The following PTCHD4 variants were observed in gnomAD, a reference collection of about 807,000 sequenced individuals.
The protein encoded by PTCHD4 is patched domain containing 4, also known as patched domain-containing protein 4.
In PTCHD4, 33 loss-of-function variants were observed where a neutral mutation model predicts 58.1. The ratio of observed to expected loss-of-function variants is 0.57; its 90% confidence interval spans 0.43 to 0.76. The LOEUF is 0.76. Among genes scored for constraint, PTCHD4 ranks in the 30% least tolerant of loss-of-function variants. The probability of loss-of-function intolerance (pLI) is 0.00; values close to 1 mark genes in which losing one functional copy is unlikely to be tolerated. For missense variants in PTCHD4, 1,058 were observed against 1,027.1 expected (o/e 1.03, Z -0.41); for synonymous variants, 478 against 409.6 (o/e 1.17, Z -2.02).
In PTCHD4 at chr6:47,868,656, A is replaced by G. The variant is rs535491335; in HGVS notation, c.*9647T>C. Among the ~76,000 whole-genome samples the G allele has an allele frequency of 6.6e-6, 1 of 151,942 alleles. No homozygotes were observed. The highest frequency in any genetic ancestry group is 2.1e-4 in the South Asian group (1 of 4,830). ...GAAGCACATATAAATGACAATAAAT[A>G]GTACTTTTGCAAACTTTATTTAGTA... On this transcript the variant is annotated 3_prime_UTR_variant, in exon 5 of 5. Coordinates refer to ENST00000339488, the MANE Select transcript of PTCHD4 (RefSeq NM_001384253.1).
In PTCHD4 at chr6:47,867,043, C is replaced by G. The variant is rs151333487; in HGVS notation, c.*11260G>C. ...TATATTTTACCATAGGGACATAGTA[C>G]TTGTTTACAATGTTTTCTTTCTGGG... On this transcript the variant is annotated 3_prime_UTR_variant, in exon 5 of 5. Transcript: ENST00000339488. Among the ~76,000 whole-genome samples the G allele has an allele frequency of 6.6e-6, 1 of 151,932 alleles. No individual in the cohort carries two copies. The highest frequency in any genetic ancestry group is 1.9e-4 in the East Asian group (1 of 5,140).
intron 4 of PTCHD4, among the ~76,000 whole-genome samples, chr6:47,969,563 A>G (rs536053599): frequency 6.6e-6 from 1 of 152,326 alleles, no homozygotes; most frequent in Non-Finnish European, 1.5e-5. Flanking sequence ...CTTAAATATT[A>G]AAGTGGTATA....
intron 1 of PTCHD4, among the ~76,000 whole-genome samples, chr6:48,108,974 T>C (rs971997145): frequency 6.6e-6 from 1 of 151,852 alleles, no homozygotes; most frequent in African/African-American, 2.4e-5. Context: ...AAATGAAAAA[T>C]AAGATAACAT....
rs185018194 is a variant in PTCHD4 at position 47,912,285 on chromosome 6, C to T, written c.899-32349G>A. 2.0e-3 allele frequency among the ~76,000 whole-genome samples: 299 copies of T among 152,056 alleles called. 1 individual carries two copies. The highest frequency in any genetic ancestry group is 0.01 in the Middle Eastern group (3 of 294). On this transcript the variant is annotated intron_variant, in intron 4 of 4. Coordinates refer to ENST00000339488, the MANE Select transcript of PTCHD4 (RefSeq NM_001384253.1). The stretch of plus-strand genomic sequence containing the variant: ...GAAATTCCCACCCCCATCCCATCCC[C>T]CACCAAACCCCATCCCAGTGGAGGG...
chr6:48,005,514 C>A (rs1007214642), intron 4 of PTCHD4, among the ~76,000 whole-genome samples: 1 of 152,176 alleles, frequency 6.6e-6, no homozygotes, highest in Non-Finnish European at 1.5e-5. Flanking sequence ...ATACCACCAG[C>A]AGATATATAT....
At chr6:47,906,835 A>G (rs1451296941) in intron 4 of PTCHD4, among the ~76,000 whole-genome samples, 3 of 152,164 alleles carry the variant, frequency 2.0e-5, no homozygotes, top group Non-Finnish European at 2.9e-5. Flanking sequence ...ACTTTACAGT[A>G]GTGAGACCTT....
intron 4 of PTCHD4, among the ~76,000 whole-genome samples, chr6:47,951,071 T>A (rs1766628525): frequency 6.6e-6 from 1 of 152,168 alleles, no homozygotes; most frequent in Admixed American, 6.5e-5. Context: ...AGCAAAAGAA[T>A]AAGATGTGAT....
chr6:48,062,949 C>T, intron 3 of PTCHD4, among the ~76,000 whole-genome samples: 1 of 152,158 alleles, frequency 6.6e-6, no homozygotes, highest in South Asian at 2.1e-4. Context: ...GGTGACGAGA[C>T]TTGCCTAATG....
chr6:47,909,368 G>T (rs182214407), intron 4 of PTCHD4, among the ~76,000 whole-genome samples: 1 of 152,076 alleles, frequency 6.6e-6, no homozygotes, highest in African/African-American at 2.4e-5. Flanking sequence ...GAAATTGAAA[G>T]GTTTTGCTCA....
At position 47,871,953 on chromosome 6, in the gene PTCHD4, C is replaced by T. The variant is rs549403984; in HGVS notation, c.*6350G>A. ...CATTTATGTTTGTGAAGAAAAGATGCCAGAATTCCCTTATTCTACTTGAAA... is the reference window on the plus strand; with the variant it reads ...CATTTATGTTTGTGAAGAAAAGATGTCAGAATTCCCTTATTCTACTTGAAA... On this transcript the variant is annotated 3_prime_UTR_variant, in exon 5 of 5. Transcript: ENST00000339488. Among the ~76,000 whole-genome samples the T allele has an allele frequency of 3.3e-5, 5 of 151,574 alleles. No homozygotes were observed. Among genetic ancestry groups the T allele is most frequent in the East Asian group, 2.0e-4 (1 of 5,118 alleles).
intron 3 of PTCHD4, among the ~76,000 whole-genome samples, chr6:48,066,099 CTTT>C (rs1554178100): frequency 3.0e-5 from 4 of 131,222 alleles, no homozygotes; most frequent in Non-Finnish European, 3.2e-5. Context: ...CTGACATCTA[CTTT>C]TTTTTTTTTT....
chr6:47,885,133 A>G (rs1357035614), intron 4 of PTCHD4, among the ~76,000 whole-genome samples: 4 of 152,220 alleles, frequency 2.6e-5, no homozygotes, highest in African/African-American at 9.7e-5. Context: ...CTCACTCGGG[A>G]CATTATTAGA....
chr6:48,086,996 A>G (rs1339598857), intron 1 of PTCHD4, among the ~76,000 whole-genome samples: 1 of 152,184 alleles, frequency 6.6e-6, no homozygotes, highest in Non-Finnish European at 1.5e-5. Context: ...TTTGTTCCAA[A>G]GTAGGCTTTC....
chr6:47,985,751 CCT>C (rs889785676), intron 4 of PTCHD4, among the ~76,000 whole-genome samples: 19 of 75,070 alleles, frequency 2.5e-4, no homozygotes, highest in African/African-American at 8.0e-4. Context: ...TAAATGCATT[CCT>C]TTTTTTTTTC....
At chr6:47,946,072 G>A (rs1766406415) in intron 4 of PTCHD4, among the ~76,000 whole-genome samples, 1 of 151,906 alleles carries the variant, frequency 6.6e-6, no homozygotes, top group East Asian at 1.9e-4. Flanking sequence ...TAGAGAATGT[G>A]GTAAATATGA....
intron 4 of PTCHD4, among the ~76,000 whole-genome samples, chr6:47,995,866 T>A (rs2114047054): frequency 6.6e-6 from 1 of 152,302 alleles, no homozygotes; most frequent in Non-Finnish European, 1.5e-5. Flanking sequence ...ACCCATGCTA[T>A]GAAACACATT....
rs185224785 is a variant in PTCHD4 at position 47,860,757 on chromosome 6, T to C, written c.*17546A>G. 3.3e-4 allele frequency among the ~76,000 whole-genome samples: 50 copies of C among 152,114 alleles called. No homozygotes were observed. The highest frequency in any genetic ancestry group is 1.1e-3 in the African/African-American group (46 of 41,550). ...GTAGAGGGTTAAAAACCCACTAGTC[T>C]ACTAGTTTATTTCACTCATTGCTTG... is the stretch of plus-strand genomic sequence containing the variant. On this transcript the variant is annotated 3_prime_UTR_variant, in exon 5 of 5. Transcript: ENST00000339488.
intron 3 of PTCHD4, among the ~76,000 whole-genome samples, chr6:48,012,788 G>A (rs1295884579): frequency 6.6e-6 from 1 of 152,142 alleles, no homozygotes; most frequent in African/African-American, 2.4e-5. Context: ...ATGAAGGGGT[G>A]TTTAATTTTA....
intron 3 of PTCHD4, among the ~76,000 whole-genome samples, chr6:48,027,057 G>A (rs374787682): frequency 2.0e-4 from 30 of 152,014 alleles, no homozygotes; most frequent in East Asian, 7.8e-4. Flanking sequence ...GAATGAAAGC[G>A]ATAAGATTTT....
Sources: gnomAD v4.1 joint callset for allele counts (sites outside exome capture counted in the v4.1 genomes callset) on GRCh38, gnomAD v4.1.1 for gene constraint, MANE v1.5 for transcripts, NCBI Gene and HGNC (gene_info 2026-07-23, HGNC 2026-07-21) for gene names.